The following GDI2 variants were observed in gnomAD, a reference collection of about 807,000 sequenced individuals.
The protein encoded by GDI2 is rab GDP dissociation inhibitor beta.
A neutral mutation model predicts 54.2 loss-of-function variants in GDI2; 22 were observed. The observed-to-expected ratio is 0.41, with a 90% CI of 0.29 to 0.58. The LOEUF (loss-of-function observed/expected upper bound fraction) is 0.58, where lower values mean the gene tolerates loss of function less well. Among genes scored for constraint, GDI2 ranks in the 20% least tolerant of loss-of-function variants. The pLI is 0.35. For synonymous variants in GDI2, 177 were observed against 182.1 expected (o/e 0.97, Z 0.23); for missense variants, 422 against 546.0 (o/e 0.77, Z 2.26).
chr10:5,808,536 C>T (rs147960304), intron 1 of GDI2, among the ~76,000 whole-genome samples: 3,477 of 151,614 alleles, frequency 0.023, 51 homozygotes, highest in South Asian at 0.037. Context: ...ATTAGCCGGG[C>T]GTGGTGGTGA....
At chr10:5,803,132 G>A (rs1321646555) in intron 1 of GDI2, among the ~76,000 whole-genome samples, 1 of 152,192 alleles carries the variant, frequency 6.6e-6, no homozygotes, top group Non-Finnish European at 1.5e-5. Context: ...TAAAGGATTT[G>A]CAGAAAACGT....
intron 1 of GDI2, among the ~76,000 whole-genome samples, chr10:5,807,652 TA>T (rs1841403060): frequency 6.6e-6 from 1 of 152,322 alleles, no homozygotes; most frequent in South Asian, 2.1e-4. Context: ...TAAAAACAGG[TA>T]ACCAACCAAA....
chr10:5,783,304 A>G (rs1721538403), intron 6 of GDI2, among the ~76,000 whole-genome samples: 1 of 128,814 alleles, frequency 7.8e-6, no homozygotes, highest in Non-Finnish European at 1.7e-5. Flanking sequence ...TACATGAAAT[A>G]TATTTTTCCA....
chr10:5,800,758 CAG>C, intron 1 of GDI2, 53 bp from the exon 2 acceptor site: 1 of 890,092 alleles, frequency 1.1e-6, no homozygotes, highest in Non-Finnish European at 1.9e-6. Flanking sequence ...ATATTTAAAA[CAG>C]ATCATTTTTT....
At chr10:5,809,340 T>C (rs777767971) in intron 1 of GDI2, among the ~76,000 whole-genome samples, 9 of 152,156 alleles carry the variant, frequency 5.9e-5, no homozygotes, top group Non-Finnish European at 1.0e-4. Flanking sequence ...CTCACTGCCT[T>C]GAAGATAATT....
At chr10:5,788,500 G>T (rs1173194601) in intron 4 of GDI2, among the ~76,000 whole-genome samples, 2 of 152,158 alleles carry the variant, frequency 1.3e-5, no homozygotes, top group East Asian at 3.9e-4. Flanking sequence ...TAGATCAGAG[G>T]TGTCCAATTT....
At position 5,774,909 on chromosome 10, in the gene GDI2, C is replaced by G. The variant is rs79685796; in HGVS notation, c.720-968G>C. Among the ~76,000 whole-genome samples, 1 of 133,634 alleles carries G rather than the reference C, an allele frequency of 7.5e-6. No individual in the cohort carries two copies. The highest frequency in any genetic ancestry group is 7.3e-5 in the Admixed American group (1 of 13,650). The allele number at this position is 133,634 out of a possible 152,430, so 87.7% of individuals were successfully genotyped here. On this transcript the variant is annotated intron_variant, in intron 6 of 10. Coordinates refer to ENST00000380191, the MANE Select transcript of GDI2 (RefSeq NM_001494.4). This position sits in a 1 kb window ranked among gnomAD's most constrained non-coding sequence, Gnocchi z 4.8. ...CCCAGGGGAAGGGGAAGGGCAAGGG[C>G]AAGGGCAAGGCCAAGGGAAGGGTTG... is the stretch of plus-strand genomic sequence containing the variant.
intron 3 of GDI2, among the ~76,000 whole-genome samples, chr10:5,796,414 C>T (rs1204068172): frequency 6.6e-6 from 1 of 151,448 alleles, no homozygotes; most frequent in African/African-American, 2.4e-5. Flanking sequence ...AATTTTAAAA[C>T]CCTACAAACT....
chr10:5,797,013 T>G (rs1304193573), intron 2 of GDI2, 151 bp from the exon 3 acceptor site: 1 of 513,596 alleles, frequency 1.9e-6, no homozygotes, highest in East Asian at 3.0e-5. Flanking sequence ...CAGATAAAAT[T>G]TTTAGCAAGG....
chr10:5,795,808 G>A (rs1224842953), intron 3 of GDI2, among the ~76,000 whole-genome samples: 1 of 152,082 alleles, frequency 6.6e-6, no homozygotes, highest in African/African-American at 2.4e-5. Flanking sequence ...GAACACCCAG[G>A]TGTGGTGGGA....
At chr10:5,808,712 A>C (rs897410967) in intron 1 of GDI2, among the ~76,000 whole-genome samples, 7 of 95,016 alleles carry the variant, frequency 7.4e-5, no homozygotes, top group African/African-American at 1.0e-4. Context: ...AAAAAAAAAA[A>C]AAAAAACTAC....
chr10:5,782,860 G>T (rs185488275), intron 6 of GDI2, among the ~76,000 whole-genome samples: 1 of 152,162 alleles, frequency 6.6e-6, no homozygotes, highest in Non-Finnish European at 1.5e-5. Flanking sequence ...TGGAACCCAG[G>T]GGGTGGAGGT....
At chr10:5,787,915 CTCCTT>C (rs1312653961) in intron 4 of GDI2, among the ~76,000 whole-genome samples, 1 of 152,186 alleles carries the variant, frequency 6.6e-6, no homozygotes, top group African/African-American at 2.4e-5. Context: ...TCTCTTTCCT[CTCCTT>C]TATTTTCCTC....
At chr10:5,807,184 A>T (rs1216211627) in intron 1 of GDI2, among the ~76,000 whole-genome samples, 1 of 152,240 alleles carries the variant, frequency 6.6e-6, no homozygotes, top group African/African-American at 2.4e-5. Flanking sequence ...GTTTTAAAAC[A>T]TGGGTGAAGT....
In GDI2 at chr10:5,777,894, A is replaced by G. The variant is rs543360497; in HGVS notation, c.720-3953T>C. Reference sequence around the variant, plus strand: ...AGACTTGGAACCAACCCAAATATCCATCAATGGTAGACGGGATAAAGAAAA... The same window carrying G: ...AGACTTGGAACCAACCCAAATATCCGTCAATGGTAGACGGGATAAAGAAAA... On this transcript the variant is annotated intron_variant, in intron 6 of 10. Coordinates refer to ENST00000380191, the MANE Select transcript of GDI2 (RefSeq NM_001494.4). Among the ~76,000 whole-genome samples the G allele has an allele frequency of 3.3e-5, 5 of 152,348 alleles. No individual in the cohort carries two copies. In the East Asian group the frequency reaches 9.6e-4, roughly 29 times the overall value.
rs1345682213 is a variant in GDI2, at chr10:5,794,186, AAAATATATATAT to A, written c.388+687_388+698del. 0.012 allele frequency among the ~76,000 whole-genome samples: 540 copies of A among 46,588 alleles called. 12 individuals are homozygous for A. In the East Asian group the frequency reaches 0.17, roughly 15 times the overall value. 30.6% of individuals were successfully genotyped at this position (46,588 alleles called of 152,430 possible). A position where few individuals can be genotyped will look rare whatever the true frequency, so the allele number is the denominator to read the frequency against. On this transcript the variant is annotated intron_variant, in intron 4 of 10. Coordinates refer to ENST00000380191, the MANE Select transcript of GDI2 (RefSeq NM_001494.4). ...TGTCTTTAAAAGAAAAAAAAAAAAAAAAATATATATATATATATATATATATATATATATATA... is the reference window on the plus strand; with the variant it reads ...TGTCTTTAAAAGAAAAAAAAAAAAAAATATATATATATATATATATATATA...
chr10:5,781,105 GCAC>G (rs1840744128), intron 6 of GDI2, among the ~76,000 whole-genome samples: 1 of 151,242 alleles, frequency 6.6e-6, no homozygotes, highest in Admixed American at 6.6e-5. Flanking sequence ...TCCCACAAAG[GCAC>G]CACGACTACC....
rs546074345 is a variant in GDI2, at chr10:5,792,254, T to C, written c.388+2631A>G. Among the ~76,000 whole-genome samples, 10 of 152,318 alleles carry C rather than the reference T, an allele frequency of 6.6e-5. No individual in the cohort carries two copies. In the South Asian group the frequency reaches 1.9e-3, roughly 28 times the overall value. On this transcript the variant is annotated intron_variant, in intron 4 of 10. Transcript: ENST00000380191. ...TAGCTATACTACTTTGTGCTTTCCT[T>C]TTATACCTCAGCTTTCCCATCTGTA...
chr10:5,805,818 C>T (rs192904319), intron 1 of GDI2, among the ~76,000 whole-genome samples: 3 of 152,254 alleles, frequency 2.0e-5, no homozygotes, highest in Admixed American at 6.5e-5. Flanking sequence ...GTGTAATATC[C>T]GAGTTGGGGC....
Sources: allele counts gnomAD v4.1 joint callset (sites outside exome capture counted in the v4.1 genomes callset), GRCh38; gene constraint gnomAD v4.1.1; non-coding constraint Gnocchi (gnomAD v3.1); transcripts MANE v1.5; gene names NCBI Gene and HGNC (gene_info 2026-07-23, HGNC 2026-07-21).